LINGO2: variants seen among roughly 807,000 people sequenced by gnomAD.
The protein encoded by LINGO2 is leucine-rich repeat and immunoglobulin-like domain-containing nogo receptor-interacting protein 2.
LINGO2 carries 14 observed loss-of-function variants against 30.6 expected under a neutral mutation model. That is an observed-to-expected ratio of 0.46 (90% confidence interval 0.30 to 0.72). The LOEUF (loss-of-function observed/expected upper bound fraction) is 0.72, where lower values mean the gene tolerates loss of function less well. LINGO2 is among the 30% of genes least tolerant of loss of function. The pLI, the probability that LINGO2 is intolerant of heterozygous loss-of-function variation, is 0.07. For missense variants in LINGO2, 729 were observed against 751.7 expected (o/e 0.97, Z 0.35); for synonymous variants, 317 against 288.5 (o/e 1.10, Z -1.00).
chr9:28,141,603 T>C (rs1405612220), intron 4 of LINGO2, among the ~76,000 whole-genome samples: 1 of 152,216 alleles, frequency 6.6e-6, no homozygotes, highest in Non-Finnish European at 1.5e-5. Flanking sequence ...TCTATGCCTG[T>C]AATGGAATTT....
the LINGO2 span, among the ~76,000 whole-genome samples, chr9:29,043,892 A>G: frequency 6.6e-6 from 1 of 152,034 alleles, no homozygotes; most frequent in East Asian, 1.9e-4. Context: ...ATGCACTGCT[A>G]CTCATAAATA....
intron 1 of LINGO2, among the ~76,000 whole-genome samples, chr9:28,650,948 T>G (rs1038555475): frequency 1.3e-5 from 2 of 152,160 alleles, no homozygotes; most frequent in Non-Finnish European, 2.9e-5. Context: ...CCCAGCACTT[T>G]GGGAGGCTGA....
the LINGO2 span, among the ~76,000 whole-genome samples, chr9:29,045,278 G>A: frequency 8.5e-5 from 13 of 152,072 alleles, no homozygotes; most frequent in South Asian, 2.5e-3. Context: ...TTTTCAGACC[G>A]CAATTGGCCA....
the LINGO2 span, among the ~76,000 whole-genome samples, chr9:28,935,129 T>C: frequency 5.9e-5 from 9 of 152,160 alleles, no homozygotes; most frequent in African/African-American, 2.2e-4. Context: ...ATATATATAC[T>C]TGTAACCTAC....
At chr9:28,364,959 A>T (rs1217515495) in intron 3 of LINGO2, among the ~76,000 whole-genome samples, 1 of 152,210 alleles carries the variant, frequency 6.6e-6, no homozygotes, top group African/African-American at 2.4e-5. Flanking sequence ...TAGTGTAAAT[A>T]CCAAGAAGAA....
At chr9:28,149,321 G>A (rs1827914713) in intron 4 of LINGO2, 1 of 549,216 alleles carries the variant, frequency 1.8e-6, no homozygotes, top group Non-Finnish European at 3.2e-6. Context: ...CACCATCTGG[G>A]AAGTGAGGAG....
chr9:28,856,062 G>A, the LINGO2 span, among the ~76,000 whole-genome samples: 1 of 151,998 alleles, frequency 6.6e-6, no homozygotes, highest in Admixed American at 6.6e-5. Context: ...AAGCAGCCTG[G>A]CAATATTCCT....
the LINGO2 span, among the ~76,000 whole-genome samples, chr9:28,932,135 G>GTAAA: frequency 7.2e-6 from 1 of 138,656 alleles, no homozygotes; most frequent in Non-Finnish European, 1.5e-5. Flanking sequence ...AATAAAATAA[G>GTAAA]ATAAAATAAA....
At chr9:29,019,206 T>A in the LINGO2 span, among the ~76,000 whole-genome samples, 1 of 152,224 alleles carries the variant, frequency 6.6e-6, no homozygotes, top group Non-Finnish European at 1.5e-5. Context: ...CTGCAAGGCA[T>A]GTGTTTTACT....
intron 4 of LINGO2, among the ~76,000 whole-genome samples, chr9:28,083,970 TTAAC>T: frequency 6.6e-6 from 1 of 152,318 alleles, no homozygotes; most frequent in South Asian, 2.1e-4. Context: ...TGTTTTTTAA[TTAAC>T]TAATAATGAT....
chr9:28,047,603 A>G (rs1424940294), intron 4 of LINGO2, among the ~76,000 whole-genome samples: 1 of 150,066 alleles, frequency 6.7e-6, no homozygotes, highest in Non-Finnish European at 1.5e-5. Flanking sequence ...TTACATGATC[A>G]ATCTACACCT....
intron 4 of LINGO2, among the ~76,000 whole-genome samples, chr9:28,066,315 C>T (rs997525948): frequency 1.3e-5 from 2 of 152,080 alleles, no homozygotes; most frequent in East Asian, 1.9e-4. Flanking sequence ...GCTTATCTTT[C>T]GTTTGGGCAG....
the LINGO2 span, among the ~76,000 whole-genome samples, chr9:28,961,177 T>C: frequency 1.3e-5 from 2 of 152,162 alleles, no homozygotes; most frequent in East Asian, 3.9e-4. Context: ...AATACAATCT[T>C]ACTGTCATAC....
the LINGO2 span, among the ~76,000 whole-genome samples, chr9:28,840,999 C>T: frequency 2.6e-5 from 4 of 151,766 alleles, no homozygotes; most frequent in Non-Finnish European, 5.9e-5. Context: ...AAATACTTCT[C>T]GAGTTTCATT....
chr9:28,772,580 T>C, the LINGO2 span, among the ~76,000 whole-genome samples: 46 of 152,208 alleles, frequency 3.0e-4, no homozygotes, highest in Non-Finnish European at 3.4e-4. Context: ...TAAATGGCTC[T>C]TGAAAATTGT....
At chr9:28,433,978 C>CACAA (rs1823809294) in intron 2 of LINGO2, among the ~76,000 whole-genome samples, 1 of 119,036 alleles carries the variant, frequency 8.4e-6, no homozygotes, top group Non-Finnish European at 1.9e-5. Context: ...CACACACACA[C>CACAA]ATGAAAATAC....
In LINGO2 at chr9:28,593,578, G is replaced by C. The variant is rs529875934; in HGVS notation, c.-365+76622C>G. Among the ~76,000 whole-genome samples the C allele has an allele frequency of 2.9e-4, 44 of 152,188 alleles. 1 individual carries two copies. Among genetic ancestry groups the C allele is most frequent in the African/African-American group, 9.6e-4 (40 of 41,558 alleles). On this transcript the variant is annotated intron_variant, in intron 1 of 5. Transcript: ENST00000379992. ...GTTCCCCATAAAAGGTCTGACTATT[G>C]CTATTAGGTTTCATAAAATACTCCT...
the LINGO2 span, among the ~76,000 whole-genome samples, chr9:29,037,909 C>T: frequency 6.6e-6 from 1 of 151,898 alleles, no homozygotes; most frequent in East Asian, 1.9e-4. Context: ...AATATTAGCT[C>T]TTGAAAATAT....
At chr9:28,358,716 G>A (rs1316385748) in intron 3 of LINGO2, among the ~76,000 whole-genome samples, 2 of 152,126 alleles carry the variant, frequency 1.3e-5, no homozygotes, top group African/African-American at 4.8e-5. Flanking sequence ...GTGGTACCCA[G>A]ACCACAGGGT....
Sources: gnomAD v4.1 joint callset for allele counts (sites outside exome capture counted in the v4.1 genomes callset) on GRCh38, gnomAD v4.1.1 for gene constraint, MANE v1.5 for transcripts, NCBI Gene and HGNC (gene_info 2026-07-23, HGNC 2026-07-21) for gene names.